GOT1L1: variants seen among roughly 807,000 people sequenced by gnomAD.
GOT1L1 encodes the protein glutamic-oxaloacetic transaminase 1 like 1.
GOT1L1 carries 38 observed loss-of-function variants against 43.6 expected under a neutral mutation model. The observed-to-expected ratio is 0.87, with a 90% CI of 0.67 to 1.14. The LOEUF is 1.14. Ranked by LOEUF, GOT1L1 falls within the 50% of genes most tolerant of loss-of-function variation. The probability of loss-of-function intolerance (pLI) is 0.00; values close to 1 mark genes in which losing one functional copy is unlikely to be tolerated. For missense variants in GOT1L1, 482 were observed against 504.0 expected (o/e 0.96, Z 0.42); for synonymous variants, 183 against 187.2 (o/e 0.98, Z 0.18).
intron 3 of GOT1L1, 96 bp downstream of exon 3, chr8:37,937,542 C>A: frequency 9.2e-7 from 1 of 1,089,144 alleles, no homozygotes; most frequent in South Asian, 1.4e-5. Flanking sequence ...TTGCTCATGA[C>A]AGAGAATGAG....
rs1473362122 is a variant in GOT1L1 at position 37,934,348 on chromosome 8, C to T, written c.1211G>A (p.Ser404Asn). The change falls in exon 9 of 9, where the codon AGC becomes AAC. Residue 404 changes from serine to asparagine, a missense_variant. By Grantham distance (46) the Ser-to-Asn change is conservative. Transcript: ENST00000307599. Reference sequence around the variant, plus strand: ...TTCCTTTGGAAGACACATCTCTGAGCTCTCTGTGAGGAGGACAGCCTCATT... The same window carrying T: ...TTCCTTTGGAAGACACATCTCTGAGTTCTCTGTGAGGAGGACAGCCTCATT... ...GINEAVLLTE[S>N]SEMCLPKEKK... 2 of 1,613,836 alleles carry T rather than the reference C, an allele frequency of 1.2e-6. No homozygotes were observed. The highest frequency in any genetic ancestry group is 1.7e-6 in the Non-Finnish European group (2 of 1,179,798).
chr8:37,936,610 C>A, intron 6 of GOT1L1, 110 bp downstream of exon 6: 1 of 978,454 alleles, frequency 1.0e-6, no homozygotes, highest in South Asian at 1.6e-5. Flanking sequence ...ATAGTGCTCT[C>A]CCTAGAGTCC....
Position 37,935,987 on chromosome 8 carries a change from C to G in GOT1L1, c.764-118G>C, listed in dbSNP as rs138945626. The G allele has an allele frequency of 2.1e-4, 237 of 1,113,830 alleles. 2 individuals carry two copies. The African/African-American group carries it at 3.6e-3, about 17-fold the overall frequency. The allele number at this position is 1,113,830 out of a possible 1,614,324, so 69.0% of individuals were successfully genotyped here. ...GGGTTGAACCACAAGGCCCTCATTG[C>G]AGCCCAGCCAGGGTGATATTCAGGC... is the stretch of plus-strand genomic sequence containing the variant. On this transcript the variant is annotated intron_variant, in intron 6 of 8. Coordinates refer to ENST00000307599, the MANE Select transcript of GOT1L1 (RefSeq NM_152413.3).
Position 37,937,735 on chromosome 8 carries a change from G to T in GOT1L1, c.312C>A (p.His104Gln). 1 of 1,611,978 alleles carries T rather than the reference G, an allele frequency of 6.2e-7. No homozygotes were observed. The highest frequency in any genetic ancestry group is 1.1e-5 in the South Asian group (1 of 90,708). ...GGAAGGCACCACTGTCACCAACAGTGTGTACACCCCCTACCTGCCAGCAAG... is the reference window on the plus strand; with the variant it reads ...GGAAGGCACCACTGTCACCAACAGTTTGTACACCCCCTACCTGCCAGCAAG... Reference protein sequence around the residue: ...AIVENRVGGVHTVGDSGAFQL... With the variant: ...AIVENRVGGVQTVGDSGAFQL... Residue 104 changes from histidine (H) to glutamine (Q), a missense_variant, in exon 3 of 9, where the codon CAC (histidine) becomes CAA (glutamine). His to Gln is a conservative substitution (Grantham distance 24). Coordinates refer to ENST00000307599, the MANE Select transcript of GOT1L1 (RefSeq NM_152413.3).
chr8:37,939,821 G>T, intron 1 of GOT1L1, 94 bp downstream of exon 1: 1 of 1,256,028 alleles, frequency 8.0e-7, no homozygotes, highest in Non-Finnish European at 1.1e-6. Context: ...CAGAAGCTTG[G>T]GCTGCACCCC....
intron 2 of GOT1L1, 134 bp from the exon 3 acceptor site, chr8:37,937,883 A>C: frequency 1.6e-6 from 1 of 617,958 alleles, no homozygotes. Flanking sequence ...TCTACTAAAA[A>C]TACAAAAATT....
In GOT1L1 at chr8:37,934,450, A is replaced by T. The variant is rs757345657; in HGVS notation, c.1109T>A (p.Ile370Asn). 6.2e-7 allele frequency: 1 copy of T among 1,613,896 alleles called. No individual in the cohort carries two copies. Among genetic ancestry groups the T allele is most frequent in the South Asian group, 1.1e-5 (1 of 91,076 alleles). The change falls in exon 9 of 9, where the codon ATC becomes AAC. Residue 370 changes from isoleucine (I) to asparagine (N), a missense_variant. Coordinates refer to ENST00000307599, the MANE Select transcript of GOT1L1 (RefSeq NM_152413.3). ...AATCTGACCGTTCTTGGGGATATAG[A>T]TGTGCTTCTTCCTGACCAGGTATTC... ...QVEYLVRKKH[I>N]YIPKNGQINF...
intron 7 of GOT1L1, 78 bp downstream of exon 7, chr8:37,935,626 G>C (rs908826707): frequency 3.7e-6 from 5 of 1,335,370 alleles, no homozygotes; most frequent in Non-Finnish European, 5.0e-6. Context: ...GAAGCACCCT[G>C]CCGAATCCTG....
chr8:37,938,997 G>T, intron 1 of GOT1L1, 116 bp from the exon 2 acceptor site: 1 of 856,310 alleles, frequency 1.2e-6, no homozygotes, highest in Non-Finnish European at 1.9e-6. Context: ...GTGGGAAGGT[G>T]CCTGTGAAAA....
intron 8 of GOT1L1, 108 bp downstream of exon 8, chr8:37,934,965 T>G: frequency 7.9e-7 from 1 of 1,266,654 alleles, no homozygotes; most frequent in Non-Finnish European, 1.1e-6. Flanking sequence ...GAGGACAGAA[T>G]CAAAATCTGG....
intron 6 of GOT1L1, 86 bp from the exon 7 acceptor site, chr8:37,935,955 GAAGA>G: frequency 6.8e-7 from 1 of 1,476,604 alleles, no homozygotes. Flanking sequence ...CAACCTTGCA[GAAGA>G]AAGGGTTGAA....
chr8:37,938,547 G>A (rs1419448716), intron 2 of GOT1L1, among the ~76,000 whole-genome samples, 153 bp downstream of exon 2: 1 of 152,218 alleles, frequency 6.6e-6, no homozygotes, highest in Non-Finnish European at 1.5e-5. Flanking sequence ...ATCCTGACTC[G>A]ATGGCTAAGG....
chr8:37,938,398 A>G (rs1246192185), intron 2 of GOT1L1, among the ~76,000 whole-genome samples: 1 of 152,200 alleles, frequency 6.6e-6, no homozygotes, highest in Non-Finnish European at 1.5e-5. Context: ...CTCTGTCTCA[A>G]AAAATATATA....
chr8:37,939,162 C>T (rs1563389445), intron 1 of GOT1L1, among the ~76,000 whole-genome samples: 3 of 151,810 alleles, frequency 2.0e-5, no homozygotes, highest in Non-Finnish European at 2.9e-5. Context: ...GGCCTGTAAT[C>T]CCAGCACTTC....
chr8:37,935,281 G>A lies in GOT1L1; in HGVS notation c.930-66C>T, dbSNP rs777774035. 2.8e-6 allele frequency: 4 copies of A among 1,445,126 alleles called. No individual in the cohort carries two copies. The East Asian group carries it at 9.9e-5, about 36-fold the overall frequency. The allele number at this position is 1,445,126 out of a possible 1,614,324, so 89.5% of individuals were successfully genotyped here. A position where few individuals can be genotyped will look rare whatever the true frequency, so the allele number is the denominator to read the frequency against. On this transcript the variant is annotated intron_variant, in intron 7 of 8. Coordinates refer to ENST00000307599, the MANE Select transcript of GOT1L1 (RefSeq NM_152413.3). Reference sequence around the variant, plus strand: ...CCCTTGCCCTCAAACCTCCCTCATTGCCAGTCCACTCTTCTTACCTTCAAA... The same window carrying A: ...CCCTTGCCCTCAAACCTCCCTCATTACCAGTCCACTCTTCTTACCTTCAAA...
rs1280489904 is a variant in GOT1L1, at chr8:37,937,304, G to T, written c.492C>A (p.Asp164Glu). 6.2e-7 allele frequency: 1 copy of T among 1,607,852 alleles called. No homozygotes were observed. The highest frequency in any genetic ancestry group is 1.3e-5 in the African/African-American group (1 of 74,730). The change falls in exon 4 of 9, where the codon GAC becomes GAA. Residue 164 changes from aspartate to glutamate, a missense_variant. Physicochemically the swap from Asp to Glu is conservative, Grantham distance 45. Coordinates refer to ENST00000307599, the MANE Select transcript of GOT1L1 (RefSeq NM_152413.3). ...CCACCACATTGAGGAGTATGTCGGG[G>T]TCCATGCATAGCTTCTTGGGGTCCC... ...SVWDPKKLCM[D>E]PDILLNVVEQ...
chr8:37,938,647 C>G, intron 2 of GOT1L1, 53 bp downstream of exon 2: 1 of 1,489,274 alleles, frequency 6.7e-7, no homozygotes, highest in South Asian at 1.3e-5. Context: ...TGTGCAGACC[C>G]AGATCGCCAC....
intron 1 of GOT1L1, among the ~76,000 whole-genome samples, chr8:37,939,501 G>A (rs1409509604): frequency 2.2e-5 from 3 of 136,492 alleles, no homozygotes; most frequent in African/African-American, 8.1e-5. Context: ...GGTAGATGAA[G>A]CTAAATAAAG....
At chr8:37,935,023 A>G (rs1279409057) in intron 8 of GOT1L1, 50 bp downstream of exon 8, 30 of 1,604,126 alleles carry the variant, frequency 1.9e-5, no homozygotes, top group Non-Finnish European at 2.5e-5. Flanking sequence ...TAATGCTCAA[A>G]TACAGGCCAA....
Sources: gnomAD v4.1 joint callset for allele counts (sites outside exome capture counted in the v4.1 genomes callset) on GRCh38, gnomAD v4.1.1 for gene constraint, MANE v1.5 for transcripts, NCBI Gene and HGNC (gene_info 2026-07-23, HGNC 2026-07-21) for gene names.